Variants in LRP3 observed in about 807,000 individuals in gnomAD.
The protein encoded by LRP3 is low-density lipoprotein receptor-related protein 3.
Under a neutral mutation model 58.5 loss-of-function variants are expected in LRP3, and 49 were observed. That is an observed-to-expected ratio of 0.84 (90% CI 0.67 to 1.06). LRP3 has a LOEUF of 1.06. Ranked by LOEUF, LRP3 falls within the 50% of genes least tolerant of loss-of-function variation. LRP3 has a pLI of 0.00. For missense variants in LRP3, 1,019 were observed against 1,134.2 expected (o/e 0.90, Z 1.46); for synonymous variants, 485 against 492.2 (o/e 0.99, Z 0.20).
Position 33,208,450 on chromosome 19 carries a change from A to G in LRP3, c.*875A>G, listed in dbSNP as rs2145462183. On this transcript the variant is annotated 3_prime_UTR_variant, in exon 7 of 7. Coordinates refer to ENST00000253193, the MANE Select transcript of LRP3 (RefSeq NM_002333.4). The surrounding 1 kb of genome is among the most constrained non-coding windows in gnomAD (Gnocchi z 4.7). ...AGGGGCCTGGGGTAGGGGCGGACTG[A>G]GCTGCTACCCCATCCTCGACATCCC... 4.1e-6 allele frequency: 1 copy of G among 243,200 alleles called. No homozygotes were observed. The highest frequency in any genetic ancestry group is 8.1e-6 in the Non-Finnish European group (1 of 123,224). 15.1% of individuals were successfully genotyped at this position (243,200 alleles called of 1,614,324 possible).
In LRP3 at chr19:33,205,386, G is replaced by C. The variant is rs750037768; in HGVS notation, c.616G>C (p.Glu206Gln). Reference protein sequence around the residue: ...DEGNCSAPASEPPGSLCPGGT... With the variant: ...DEGNCSAPASQPPGSLCPGGT... ...GGGCAACTGCTCGGCGCCCGCCTCC[G>C]AGCCTCCAGGCAGCCTGTGCCCCGG... Residue 206 changes from glutamate to glutamine, a missense_variant, in exon 5 of 7, where the codon GAG becomes CAG. Coordinates refer to ENST00000253193, the MANE Select transcript of LRP3 (RefSeq NM_002333.4). 21 of 1,596,654 alleles carry C rather than the reference G, an allele frequency of 1.3e-5. No homozygotes were observed. The highest frequency in any genetic ancestry group is 1.8e-5 in the Non-Finnish European group (21 of 1,169,694).
Position 33,208,855 on chromosome 19 carries a change from T to C in LRP3, c.*1280T>C. ...AAACACCTCCTCAATAAACAACATG[T>C]AAACAGAAACAACTGCTTCAGTCTC... On this transcript the variant is annotated 3_prime_UTR_variant, in exon 7 of 7. Transcript: ENST00000253193. The surrounding 1 kb of genome is among the most constrained non-coding windows in gnomAD (Gnocchi z 4.7). The C allele has an allele frequency of 6.9e-7, 1 of 1,442,552 alleles. No individual in the cohort carries two copies. Among genetic ancestry groups the C allele is most frequent in the Non-Finnish European group, 9.3e-7 (1 of 1,072,008 alleles). The allele number at this position is 1,442,552 out of a possible 1,614,324, so 89.4% of individuals were successfully genotyped here.
chr19:33,206,597 C>T lies in LRP3; in HGVS notation c.1593-4C>T, dbSNP rs1480685063. 3 of 1,608,188 alleles carry T rather than the reference C, an allele frequency of 1.9e-6. No individual in the cohort carries two copies. In the African/African-American group the frequency reaches 4.0e-5, roughly 22 times the overall value. ...TCATGTCGCCCTCCGCCCACTGCTT[C>T]TAGGGCCTTCGAGACCCAGATGACG... On this transcript the variant is annotated splice_region_variant and splice_polypyrimidine_tract_variant and intron_variant, in intron 5 of 6. Transcript: ENST00000253193.
chr19:33,204,923 A>T, intron 4 of LRP3, 71 bp downstream of exon 4: 1 of 1,457,092 alleles, frequency 6.9e-7, no homozygotes, highest in Non-Finnish European at 9.4e-7. Flanking sequence ...CCCGGCCCAC[A>T]GGGGCGGCAC....
intron 2 of LRP3, 54 bp from the exon 3 acceptor site, chr19:33,202,789 CTGCAA>C: frequency 6.6e-7 from 1 of 1,521,548 alleles, no homozygotes; most frequent in Non-Finnish European, 8.8e-7. Flanking sequence ...CTTCCCCCCA[CTGCAA>C]CCCGCATCCC....
intron 3 of LRP3, among the ~76,000 whole-genome samples, chr19:33,203,511 G>A (rs141422027): frequency 1.3e-5 from 2 of 152,352 alleles, no homozygotes; most frequent in Non-Finnish European, 2.9e-5. Flanking sequence ...GTGTAACCAT[G>A]TGTGAACCGT....
In LRP3 at chr19:33,208,686, A is replaced by G; in HGVS notation, c.*1111A>G. On this transcript the variant is annotated 3_prime_UTR_variant, in exon 7 of 7. Transcript: ENST00000253193. The surrounding 1 kb of genome is among the most constrained non-coding windows in gnomAD (Gnocchi z 4.7). ...AGCGAACAGCCAGCCCTGTTTATTT[A>G]TAGGCCTTTTCAGGAAGAGCTAGCA... 1.5e-6 allele frequency: 1 copy of G among 655,562 alleles called. No homozygotes were observed. Among genetic ancestry groups the G allele is most frequent in the Non-Finnish European group, 2.6e-6 (1 of 386,224 alleles). The allele number at this position is 655,562 out of a possible 1,614,324, so 40.6% of individuals were successfully genotyped here. A position where few individuals can be genotyped will look rare whatever the true frequency, so the allele number is the denominator to read the frequency against.
At position 33,208,712 on chromosome 19, in the gene LRP3, G is replaced by A; in HGVS notation, c.*1137G>A. The A allele has an allele frequency of 1.3e-6, 1 of 750,952 alleles. No individual in the cohort carries two copies. Among genetic ancestry groups the A allele is most frequent in the East Asian group, 2.7e-5 (1 of 37,324 alleles). 46.5% of individuals were successfully genotyped at this position (750,952 alleles called of 1,614,324 possible). A position where few individuals can be genotyped will look rare whatever the true frequency, so the allele number is the denominator to read the frequency against. On this transcript the variant is annotated 3_prime_UTR_variant, in exon 7 of 7. Coordinates refer to ENST00000253193, the MANE Select transcript of LRP3 (RefSeq NM_002333.4). The surrounding 1 kb of genome is among the most constrained non-coding windows in gnomAD (Gnocchi z 4.7). ...TAGGCCTTTTCAGGAAGAGCTAGCAGGGCAGTGCTAAGACAGGAAACCCAG... is the reference window on the plus strand; with the variant it reads ...TAGGCCTTTTCAGGAAGAGCTAGCAAGGCAGTGCTAAGACAGGAAACCCAG...
chr19:33,203,442 C>T lies in LRP3; in HGVS notation c.260+456C>T, dbSNP rs1047174202. ...GCATGTGTGAGCACATGTATGTGCA[C>T]GAGCCATGCCTGCAAAGGTGCAGAG... On this transcript the variant is annotated intron_variant, in intron 3 of 6. Transcript: ENST00000253193. Among the ~76,000 whole-genome samples the T allele has an allele frequency of 9.9e-5, 15 of 152,192 alleles. No individual in the cohort carries two copies. The East Asian group carries it at 1.4e-3, about 14-fold the overall frequency.
chr19:33,204,407 G>C, intron 3 of LRP3: 2 of 571,200 alleles, frequency 3.5e-6, no homozygotes, highest in Non-Finnish European at 6.2e-6. Context: ...CTGCGTGGAT[G>C]TCGCAATTCT....
At chr19:33,201,895 A>T (rs952383835) in intron 2 of LRP3, among the ~76,000 whole-genome samples, 1 of 152,156 alleles carries the variant, frequency 6.6e-6, no homozygotes, top group African/African-American at 2.4e-5. Flanking sequence ...GATGGATTAA[A>T]GCGAGGCCCA....
Position 33,196,778 on chromosome 19 carries a change from G to A in LRP3, c.121+1G>A. ...CTCAGCAGTGCGGTTCCTGCCTTAG[G>A]TAAGTAAGCACTTTCTCTCCTTCCT... On this transcript the variant is annotated splice_donor_variant, in intron 2 of 6. Transcript: ENST00000253193. LOFTEE classifies it high-confidence loss of function. 6.2e-7 allele frequency: 1 copy of A among 1,614,070 alleles called. No homozygotes were observed. Among genetic ancestry groups the A allele is most frequent in the Non-Finnish European group, 8.5e-7 (1 of 1,179,912 alleles).
At chr19:33,195,547 A>G (rs1974277220) in intron 1 of LRP3, among the ~76,000 whole-genome samples, 1 of 152,174 alleles carries the variant, frequency 6.6e-6, no homozygotes, top group Non-Finnish European at 1.5e-5. Flanking sequence ...ATTTACTGTG[A>G]TGAAGGAGGG....
chr19:33,197,489 C>T (rs1300747482), intron 2 of LRP3, among the ~76,000 whole-genome samples: 3 of 152,046 alleles, frequency 2.0e-5, no homozygotes, highest in East Asian at 1.9e-4. Flanking sequence ...TAGCTGGGCA[C>T]GGTGGCATGT....
In LRP3 at chr19:33,208,811, AAAC is replaced by A. The variant is rs1271631406; in HGVS notation, c.*1239_*1241del. ...TTTCTTTTTTTTCCAGAAAAAAACA[AAAC>A]AAAACTTTTTTGCCAAAACACCTCC... On this transcript the variant is annotated 3_prime_UTR_variant, in exon 7 of 7. Transcript: ENST00000253193. The surrounding 1 kb of genome is among the most constrained non-coding windows in gnomAD (Gnocchi z 4.7). 1 of 1,598,576 alleles carries A rather than the reference AAAC, an allele frequency of 6.3e-7. No individual in the cohort carries two copies. Among genetic ancestry groups the A allele is most frequent in the East Asian group, 2.2e-5 (1 of 44,806 alleles).
chr19:33,205,585 G>A lies in LRP3; in HGVS notation c.815G>A (p.Gly272Asp). 6.2e-7 allele frequency: 1 copy of A among 1,609,670 alleles called. No individual in the cohort carries two copies. The highest frequency in any genetic ancestry group is 8.5e-7 in the Non-Finnish European group (1 of 1,179,202). The change falls in exon 5 of 7, where the codon GGC (glycine) becomes GAC (aspartate). Residue 272 changes from glycine to aspartate, a missense_variant. Gly to Asp is a moderately conservative substitution (Grantham distance 94). Transcript: ENST00000253193. ...YGSFASPDLF[G>D]AARGPSDLHC... ...TCCTTTGCCTCCCCAGACCTGTTCG[G>A]CGCCGCTCGCGGGCCCTCAGACCTT...
In LRP3 at chr19:33,207,250, C is replaced by G; in HGVS notation, c.1988C>G (p.Ala663Gly). The change falls in exon 7 of 7, where the codon GCC becomes GGC. Residue 663 changes from alanine to glycine, a missense_variant. This residue lies in a region of LRP3 where 427 missense variants were observed against 408.6 expected (regional missense o/e 1.04). Coordinates refer to ENST00000253193, the MANE Select transcript of LRP3 (RefSeq NM_002333.4). ...ATGGACACAGGCAGCACCAGGGCGGCCGGAGACAGGCCCCCCAGTGCCCCC... is the reference window on the plus strand; with the variant it reads ...ATGGACACAGGCAGCACCAGGGCGGGCGGAGACAGGCCCCCCAGTGCCCCC... The part of the protein sequence containing the change: ...PLMDTGSTRA[A>G]GDRPPSAPGR... 1 of 1,554,962 alleles carries G rather than the reference C, an allele frequency of 6.4e-7. No individual in the cohort carries two copies. Among genetic ancestry groups the G allele is most frequent in the African/African-American group, 1.3e-5 (1 of 74,200 alleles).
Position 33,208,522 on chromosome 19 carries a change from C to T in LRP3, c.*947C>T. On this transcript the variant is annotated 3_prime_UTR_variant, in exon 7 of 7. Transcript: ENST00000253193. This position sits in a 1 kb window ranked among gnomAD's most constrained non-coding sequence, Gnocchi z 4.7. ...GTGCCATGGTAGGGAGCGCCTGTGT[C>T]AAGCAGCAAAGCCCCCTAATGTCAA... The T allele has an allele frequency of 3.0e-6, 1 of 330,394 alleles. No individual in the cohort carries two copies. Among genetic ancestry groups the T allele is most frequent in the Non-Finnish European group, 5.8e-6 (1 of 173,548 alleles). 20.5% of individuals were successfully genotyped at this position (330,394 alleles called of 1,614,324 possible).
chr19:33,196,633 G>A (rs371527343), intron 1 of LRP3, 97 bp from the exon 2 acceptor site: 8 of 1,124,628 alleles, frequency 7.1e-6, no homozygotes, highest in Middle Eastern at 2.5e-4. Flanking sequence ...GGGACCAGCG[G>A]GCCAGCCTTG....
Sources: allele counts gnomAD v4.1 joint callset (sites outside exome capture counted in the v4.1 genomes callset), GRCh38; gene constraint gnomAD v4.1.1; regional missense constraint gnomAD v4.1.1; non-coding constraint Gnocchi (gnomAD v3.1); transcripts MANE v1.5; gene names NCBI Gene and HGNC (gene_info 2026-07-23, HGNC 2026-07-21).